NALF1: variants seen among roughly 807,000 people sequenced by gnomAD.
NALF1 encodes the protein family with sequence similarity 155 member A.
Under a neutral mutation model 48.4 loss-of-function variants are expected in NALF1, and 3 were observed. The observed-to-expected ratio is 0.06, with a 90% CI of 0.03 to 0.16. NALF1 has a LOEUF of 0.16. NALF1 is among the 10% of genes least tolerant of loss of function. The probability of loss-of-function intolerance (pLI) is 1.00; values close to 1 mark genes in which losing one functional copy is unlikely to be tolerated. For synonymous variants in NALF1, 262 were observed against 245.7 expected, an observed-to-expected ratio of 1.07 and a Z score of -0.62; for missense variants, 526 against 571.5, an observed-to-expected ratio of 0.92 and a Z score of 0.81.
At position 107,179,387 on chromosome 13, in the gene NALF1, T is replaced by C. The variant is rs540068395; in HGVS notation, c.1088-8601A>G. Among the ~76,000 whole-genome samples, 10 of 152,054 alleles carry C rather than the reference T, an allele frequency of 6.6e-5. No individual in the cohort carries two copies. In the South Asian group the frequency reaches 1.5e-3, roughly 22 times the overall value. On this transcript the variant is annotated intron_variant, in intron 2 of 2. Coordinates refer to ENST00000375915, the MANE Select transcript of NALF1 (RefSeq NM_001080396.3). ...GCTGGGAAGGGTAGTGGGGGGTTGG[T>C]AGTGGGGATGGCTAATGAGTGCAAA...
At chr13:107,277,051 T>C (rs1881296134) in intron 1 of NALF1, among the ~76,000 whole-genome samples, 2 of 152,316 alleles carry the variant, frequency 1.3e-5, no homozygotes, top group South Asian at 2.1e-4. Flanking sequence ...CACATTCTAG[T>C]TTTTCCCTGG....
chr13:107,719,462 T>A (rs1011791238), intron 1 of NALF1, among the ~76,000 whole-genome samples: 1 of 152,160 alleles, frequency 6.6e-6, no homozygotes, highest in South Asian at 2.1e-4. Context: ...ACTGACACAA[T>A]CGTGCTTCCC....
At chr13:107,417,290 T>C (rs895082772) in intron 1 of NALF1, among the ~76,000 whole-genome samples, 1 of 152,202 alleles carries the variant, frequency 6.6e-6, no homozygotes, top group African/African-American at 2.4e-5. Context: ...CTTTTCACTA[T>C]TGACTCAGAG....
At chr13:107,288,243 G>A (rs185554023) in intron 1 of NALF1, among the ~76,000 whole-genome samples, 4,953 of 128,808 alleles carry the variant, frequency 0.038, 291 homozygotes, top group African/African-American at 0.13. Context: ...TTTTTGAGAC[G>A]GAGTCTCGCT....
intron 1 of NALF1, among the ~76,000 whole-genome samples, chr13:107,758,927 TAAGACTTTCTG>T (rs1022767268): frequency 6.6e-5 from 10 of 152,118 alleles, no homozygotes; most frequent in Non-Finnish European, 1.3e-4. Context: ...CTCCAAATGA[TAAGACTTTCTG>T]AAGCCAAGCT....
intron 1 of NALF1, among the ~76,000 whole-genome samples, chr13:107,250,883 C>T (rs1304232028): frequency 6.6e-6 from 1 of 152,140 alleles, no homozygotes; most frequent in African/African-American, 2.4e-5. Context: ...CCTCCCCCTT[C>T]ACTCTCTTCC....
intron 1 of NALF1, among the ~76,000 whole-genome samples, chr13:107,283,972 C>T (rs1035492567): frequency 6.6e-6 from 1 of 152,066 alleles, no homozygotes; most frequent in East Asian, 1.9e-4. Flanking sequence ...TGAAGAAAGA[C>T]ACTCATCTTT....
intron 1 of NALF1, among the ~76,000 whole-genome samples, chr13:107,661,796 A>T (rs915904399): frequency 1.3e-5 from 2 of 152,238 alleles, no homozygotes; most frequent in African/African-American, 2.4e-5. Context: ...AATATATTCT[A>T]CAACACTAAT....
intron 1 of NALF1, among the ~76,000 whole-genome samples, chr13:107,679,971 A>G (rs1881236717): frequency 6.6e-6 from 1 of 152,176 alleles, no homozygotes; most frequent in African/African-American, 2.4e-5. Context: ...TAGTGATGAG[A>G]CATGCTTCCC....
chr13:107,431,892 C>A (rs1266367605), intron 1 of NALF1, among the ~76,000 whole-genome samples: 2 of 152,094 alleles, frequency 1.3e-5, no homozygotes, highest in Admixed American at 6.6e-5. Flanking sequence ...AACCAAAAAA[C>A]GTTGCTAAAA....
chr13:107,268,509 T>C (rs949513503), intron 1 of NALF1, among the ~76,000 whole-genome samples: 3 of 152,196 alleles, frequency 2.0e-5, no homozygotes, highest in African/African-American at 4.8e-5. Flanking sequence ...GTCAGTATCC[T>C]GGTTGTGATA....
chr13:107,627,196 A>G (rs1284536229), intron 1 of NALF1, among the ~76,000 whole-genome samples: 1 of 152,118 alleles, frequency 6.6e-6, no homozygotes. Context: ...AATTACATAG[A>G]AAATATGTTA....
Position 107,169,294 on chromosome 13 carries a change from A to C in NALF1, c.*1203T>G, listed in dbSNP as rs905505784. 1.3e-5 allele frequency: 2 copies of C among 152,204 alleles called. No individual in the cohort carries two copies. The highest frequency in any genetic ancestry group is 4.8e-5 in the African/African-American group (2 of 41,438). 9.4% of individuals were successfully genotyped at this position (152,204 alleles called of 1,614,324 possible). On this transcript the variant is annotated 3_prime_UTR_variant, in exon 3 of 3. Transcript: ENST00000375915. ...TGTATACCTGGAATAATTTTAAACC[A>C]TATGTTAGGGAAATACTGGAATAAA...
At chr13:107,200,223 G>A (rs533342355) in intron 2 of NALF1, among the ~76,000 whole-genome samples, 300 of 152,298 alleles carry the variant, frequency 2.0e-3, no homozygotes, top group African/African-American at 6.9e-3. Context: ...GGGTCAGGGA[G>A]GACCTCCTCC....
At chr13:107,686,913 T>C (rs112024374) in intron 1 of NALF1, among the ~76,000 whole-genome samples, 1 of 152,134 alleles carries the variant, frequency 6.6e-6, no homozygotes, top group Non-Finnish European at 1.5e-5. Context: ...GAACTAAAAA[T>C]AGATCTACCA....
At chr13:107,500,012 G>T (rs1319457575) in intron 1 of NALF1, among the ~76,000 whole-genome samples, 1 of 152,008 alleles carries the variant, frequency 6.6e-6, no homozygotes, top group African/African-American at 2.4e-5. Flanking sequence ...CATCAAAACA[G>T]ATCACACACA....
intron 1 of NALF1, among the ~76,000 whole-genome samples, chr13:107,297,015 T>A (rs916900955): frequency 2.5e-4 from 38 of 152,076 alleles, no homozygotes; most frequent in African/African-American, 8.4e-4. Flanking sequence ...GATTAGAGTT[T>A]TTTTATTTTA....
intron 1 of NALF1, among the ~76,000 whole-genome samples, chr13:107,769,981 C>T (rs965727640): frequency 1.3e-5 from 2 of 152,170 alleles, no homozygotes; most frequent in South Asian, 2.1e-4. Context: ...GGCGCGGTCT[C>T]GGCTCACTGC....
intron 1 of NALF1, among the ~76,000 whole-genome samples, chr13:107,622,356 G>C (rs1053912407): frequency 6.6e-6 from 1 of 151,550 alleles, no homozygotes; most frequent in Non-Finnish European, 1.5e-5. Context: ...GAGGAGAATC[G>C]CTTGAACCTG....
Sources: gnomAD v4.1 joint callset for allele counts (sites outside exome capture counted in the v4.1 genomes callset) on GRCh38, gnomAD v4.1.1 for gene constraint, MANE v1.5 for transcripts, NCBI Gene and HGNC (gene_info 2026-07-23, HGNC 2026-07-21) for gene names.